The following CYP7B1 variants were observed in gnomAD, a reference collection of about 807,000 sequenced individuals.
CYP7B1 encodes cytochrome P450 family 7 subfamily B member 1, also known as cytochrome P450 7B1.
Under a neutral mutation model 42.7 loss-of-function variants are expected in CYP7B1, and 29 were observed. That is an observed-to-expected ratio of 0.68 (90% CI 0.51 to 0.93). CYP7B1 has a LOEUF of 0.93. Ranked by LOEUF, CYP7B1 falls within the 40% of genes least tolerant of loss-of-function variation. The probability of loss-of-function intolerance (pLI) is 0.00; values close to 1 mark genes in which losing one functional copy is unlikely to be tolerated. For missense variants in CYP7B1, 655 were observed against 600.5 expected (o/e 1.09, Z -0.95); for synonymous variants, 235 against 218.2 (o/e 1.08, Z -0.68).
chr8:64,676,773 G>T (rs540845936), intron 1 of CYP7B1, among the ~76,000 whole-genome samples: 2 of 151,942 alleles, frequency 1.3e-5, no homozygotes, highest in African/African-American at 2.4e-5. Context: ...CGTTTTCTTT[G>T]ACTAGTTCAC....
At position 64,615,812 on chromosome 8, in the gene CYP7B1, C is replaced by T; in HGVS notation, c.729G>A (p.Glu243=). The change falls in exon 3 of 6, where the codon GAG becomes GAA. Residue 243 remains glutamate (E), a synonymous_variant. Coordinates refer to ENST00000310193, the MANE Select transcript of CYP7B1 (RefSeq NM_004820.5). ...CTGATGAGAAGCATTTTATAATTTTCTCTCTAATAGACTTGACATTTCCTA... is the reference window on the plus strand; with the variant it reads ...CTGATGAGAAGCATTTTATAATTTTTTCTCTAATAGACTTGACATTTCCTA... The part of the protein sequence containing the change: ...ELLGNVKSIR[E]KIIKCFSSEK... 2 of 1,613,740 alleles carry T rather than the reference C, an allele frequency of 1.2e-6. No homozygotes were observed. The highest frequency in any genetic ancestry group is 1.7e-6 in the Non-Finnish European group (2 of 1,179,764).
chr8:64,680,426 C>A (rs969522405), intron 1 of CYP7B1, among the ~76,000 whole-genome samples: 2 of 152,144 alleles, frequency 1.3e-5, no homozygotes, highest in Admixed American at 1.3e-4. Flanking sequence ...CTACCCAAAC[C>A]AGGTCTGTGC....
At chr8:64,795,527 G>A (rs1030689612) in intron 1 of CYP7B1, among the ~76,000 whole-genome samples, 1 of 152,112 alleles carries the variant, frequency 6.6e-6, no homozygotes, top group African/African-American at 2.4e-5. Flanking sequence ...ATAACCCAAA[G>A]AGAATTATTG....
At chr8:64,672,410 C>T (rs182466258) in intron 1 of CYP7B1, among the ~76,000 whole-genome samples, 2 of 152,270 alleles carry the variant, frequency 1.3e-5, no homozygotes, top group East Asian at 3.9e-4. Flanking sequence ...AAATATCCCT[C>T]TCTGACCCTA....
At chr8:64,761,722 T>G (rs1222728431) in intron 1 of CYP7B1, among the ~76,000 whole-genome samples, 1 of 152,200 alleles carries the variant, frequency 6.6e-6, no homozygotes, top group Non-Finnish European at 1.5e-5. Flanking sequence ...GCATGTGTTT[T>G]ACACCAGAAT....
At chr8:64,780,293 T>C (rs1804399260) in intron 1 of CYP7B1, among the ~76,000 whole-genome samples, 1 of 152,120 alleles carries the variant, frequency 6.6e-6, no homozygotes, top group African/African-American at 2.4e-5. Context: ...TTCATTCTTC[T>C]AACAAATATT....
chr8:64,729,947 C>G (rs756217957), intron 1 of CYP7B1, among the ~76,000 whole-genome samples: 1 of 152,166 alleles, frequency 6.6e-6, no homozygotes, highest in Non-Finnish European at 1.5e-5. Context: ...TGAATCTAGT[C>G]TTTTGAATGG....
At chr8:64,641,638 G>C (rs1805857199) in intron 1 of CYP7B1, among the ~76,000 whole-genome samples, 1 of 152,164 alleles carries the variant, frequency 6.6e-6, no homozygotes, top group Non-Finnish European at 1.5e-5. Flanking sequence ...GGAAACATCT[G>C]ATACACTGTG....
intron 1 of CYP7B1, among the ~76,000 whole-genome samples, chr8:64,626,175 CTG>C (rs1805607800): frequency 6.6e-6 from 1 of 152,146 alleles, no homozygotes; most frequent in Non-Finnish European, 1.5e-5. Context: ...TAAGGACAAG[CTG>C]TGTACCAGGA....
intron 1 of CYP7B1, among the ~76,000 whole-genome samples, chr8:64,716,212 TAAG>T (rs1181771251): frequency 1.3e-5 from 2 of 152,210 alleles, no homozygotes; most frequent in East Asian, 3.8e-4. Flanking sequence ...CCTAAACATG[TAAG>T]AACTTCTTTG....
At chr8:64,603,415 T>G (rs570457959) in intron 5 of CYP7B1, among the ~76,000 whole-genome samples, 2 of 152,188 alleles carry the variant, frequency 1.3e-5, no homozygotes, top group African/African-American at 4.8e-5. Context: ...TTTACCATCA[T>G]GATATGAATA....
intron 2 of CYP7B1, among the ~76,000 whole-genome samples, chr8:64,621,327 T>G (rs1161403429): frequency 6.6e-6 from 1 of 152,204 alleles, no homozygotes; most frequent in Non-Finnish European, 1.5e-5. Flanking sequence ...CACAATGTAT[T>G]AAATGCTCCT....
In CYP7B1 at chr8:64,723,384, C is replaced by T. The variant is rs530731894; in HGVS notation, c.122+75082G>A. On this transcript the variant is annotated intron_variant, in intron 1 of 5. Coordinates refer to ENST00000310193, the MANE Select transcript of CYP7B1 (RefSeq NM_004820.5). ...ATGCCAAAATAGATGTGCTATGCCA[C>T]AATTTTTTATCCAAATGCCCAATAA... 9.8e-5 allele frequency among the ~76,000 whole-genome samples: 15 copies of T among 152,328 alleles called. No individual in the cohort carries two copies. The South Asian group carries it at 3.1e-3, about 32-fold the overall frequency.
chr8:64,740,833 C>G (rs1044634660), intron 1 of CYP7B1, among the ~76,000 whole-genome samples: 1 of 152,010 alleles, frequency 6.6e-6, no homozygotes, highest in Admixed American at 6.6e-5. Context: ...AGGCCTATAT[C>G]TATCAAAAAA....
At chr8:64,624,574 G>A in intron 1 of CYP7B1, 35 bp from the exon 2 acceptor site, 1 of 1,608,874 alleles carries the variant, frequency 6.2e-7, no homozygotes, top group Non-Finnish European at 8.5e-7. Flanking sequence ...AAGAACAAAA[G>A]AAAAATCAAA....
At chr8:64,598,268 C>T (rs565720684) in intron 5 of CYP7B1, among the ~76,000 whole-genome samples, 20 of 152,220 alleles carry the variant, frequency 1.3e-4, no homozygotes, top group East Asian at 9.7e-4. Flanking sequence ...TGTATCCAAA[C>T]GGTATTTAAT....
At chr8:64,693,179 C>A (rs1437641073) in intron 1 of CYP7B1, among the ~76,000 whole-genome samples, 2 of 152,224 alleles carry the variant, frequency 1.3e-5, no homozygotes, top group African/African-American at 2.4e-5. Context: ...TACTGTCATG[C>A]AGAAATTGTG....
At chr8:64,767,148 T>C (rs1041831697) in intron 1 of CYP7B1, among the ~76,000 whole-genome samples, 3 of 152,238 alleles carry the variant, frequency 2.0e-5, no homozygotes, top group Non-Finnish European at 2.9e-5. Flanking sequence ...GGTAAATACA[T>C]ATACAGACTC....
intron 1 of CYP7B1, 93 bp downstream of exon 1, chr8:64,798,373 G>A: frequency 7.1e-7 from 1 of 1,402,528 alleles, no homozygotes. Flanking sequence ...GTCTGCACTG[G>A]AAATCATGGA....
Sources: gnomAD v4.1 joint callset for allele counts (sites outside exome capture counted in the v4.1 genomes callset) on GRCh38, gnomAD v4.1.1 for gene constraint, MANE v1.5 for transcripts, NCBI Gene and HGNC (gene_info 2026-07-23, HGNC 2026-07-21) for gene names.